The following PDE11A variants were observed in gnomAD, a reference collection of about 807,000 sequenced individuals.
The protein encoded by PDE11A is dual 3',5'-cyclic-AMP and -GMP phosphodiesterase 11A.
Under a neutral mutation model 100.5 loss-of-function variants are expected in PDE11A, and 100 were observed. That is an observed-to-expected ratio of 1.00 (90% CI 0.85 to 1.18). PDE11A has a LOEUF of 1.18. PDE11A is among the 50% of genes most tolerant of loss of function. The probability of loss-of-function intolerance (pLI) is 0.00; values close to 1 mark genes in which losing one functional copy is unlikely to be tolerated. For missense variants in PDE11A, 1,141 were observed against 1,152.6 expected (o/e 0.99, Z 0.15); for synonymous variants, 381 against 420.8 (o/e 0.91, Z 1.16).
At chr2:178,027,089 A>G (rs976335077) in intron 1 of PDE11A, among the ~76,000 whole-genome samples, 2 of 152,180 alleles carry the variant, frequency 1.3e-5, no homozygotes, top group Non-Finnish European at 2.9e-5. Flanking sequence ...TACATTGCTA[A>G]TGAGAATATA....
At chr2:178,034,421 T>C (rs2086584957) in intron 1 of PDE11A, among the ~76,000 whole-genome samples, 1 of 152,156 alleles carries the variant, frequency 6.6e-6, no homozygotes, top group Admixed American at 6.5e-5. Flanking sequence ...TGCACAATAA[T>C]AGTGGGAGAC....
intron 6 of PDE11A, among the ~76,000 whole-genome samples, chr2:177,838,343 C>T (rs1000705799): frequency 7.2e-5 from 11 of 151,778 alleles, no homozygotes; most frequent in Non-Finnish European, 1.6e-4. Context: ...TGTCTGTCTA[C>T]ATAATCATAT....
In PDE11A at chr2:177,980,563, T is replaced by C. The variant is rs114889017; in HGVS notation, c.1071+33739A>G. On this transcript the variant is annotated intron_variant, in intron 2 of 19. Coordinates refer to ENST00000286063, the MANE Select transcript of PDE11A (RefSeq NM_016953.4). ...TAAGTTTTAGCCCAGGTTCAGTGTC[T>C]CTGACATCTACACAATTCAATGCAG... is the stretch of plus-strand genomic sequence containing the variant. Among the ~76,000 whole-genome samples the C allele has an allele frequency of 4.4e-3, 652 of 147,942 alleles. 8 individuals carry two copies. Among genetic ancestry groups the C allele is most frequent in the African/African-American group, 0.016 (629 of 40,546 alleles).
chr2:178,021,923 G>A (rs967065290), intron 1 of PDE11A, among the ~76,000 whole-genome samples: 2 of 152,180 alleles, frequency 1.3e-5, no homozygotes, highest in African/African-American at 4.8e-5. Context: ...TGTGGGAAGT[G>A]TCAGACATGG....
chr2:177,734,385 T>C (rs1331291755), intron 10 of PDE11A, among the ~76,000 whole-genome samples: 24 of 152,158 alleles, frequency 1.6e-4, no homozygotes, highest in Admixed American at 1.4e-3. Context: ...AGAACAGCGA[T>C]GTTATGAAAA....
intron 2 of PDE11A, among the ~76,000 whole-genome samples, chr2:177,906,593 A>G (rs1346798319): frequency 6.6e-6 from 1 of 152,218 alleles, no homozygotes; most frequent in Non-Finnish European, 1.5e-5. Context: ...AATTAAGAAG[A>G]CATACAAAAA....
chr2:177,716,156 T>C (rs2105432396), intron 12 of PDE11A, among the ~76,000 whole-genome samples: 1 of 152,354 alleles, frequency 6.6e-6, no homozygotes, highest in Non-Finnish European at 1.5e-5. Flanking sequence ...TAACTTTGCT[T>C]TAGGTTGTGT....
chr2:177,796,407 G>A (rs1245789419), intron 9 of PDE11A, among the ~76,000 whole-genome samples: 7 of 152,158 alleles, frequency 4.6e-5, no homozygotes, highest in Non-Finnish European at 1.0e-4. Flanking sequence ...GTACCTGCAT[G>A]GGCTTCCCCC....
rs1384041140 is a variant in PDE11A, at chr2:177,623,368, A to G, written c.*6039T>C. ...CTGTCTATAATGTAATATTCTTACA[A>G]TGAAACATCAGTCTGGGAAATCTAC... On this transcript the variant is annotated 3_prime_UTR_variant, in exon 20 of 20. Transcript: ENST00000286063. 1 of 152,272 alleles carries G rather than the reference A, an allele frequency of 6.6e-6. No homozygotes were observed. Among genetic ancestry groups the G allele is most frequent in the Non-Finnish European group, 1.5e-5 (1 of 68,048 alleles). 9.4% of individuals were successfully genotyped at this position (152,272 alleles called of 1,614,324 possible). A position where few individuals can be genotyped will look rare whatever the true frequency, so the allele number is the denominator to read the frequency against.
In PDE11A at chr2:177,905,093, C is replaced by G. The variant is rs191917241; in HGVS notation, c.1161+5G>C. ...GGAGTGTCAACAATGTTTTTATTTA[C>G]TCACTCTGCTTCTTTCATATTCTTT... On this transcript the variant is annotated splice_donor_5th_base_variant and intron_variant, in intron 3 of 19. Coordinates refer to ENST00000286063, the MANE Select transcript of PDE11A (RefSeq NM_016953.4). 3 of 1,511,822 alleles carry G rather than the reference C, an allele frequency of 2.0e-6. No homozygotes were observed. Among genetic ancestry groups the G allele is most frequent in the East Asian group, 4.5e-5 (2 of 44,370 alleles). The allele number at this position is 1,511,822 out of a possible 1,614,324, so 93.7% of individuals were successfully genotyped here.
intron 2 of PDE11A, among the ~76,000 whole-genome samples, chr2:177,915,442 G>A (rs539253850): frequency 5.3e-5 from 8 of 152,194 alleles, no homozygotes; most frequent in East Asian, 3.9e-4. Flanking sequence ...TTGGAACCAC[G>A]CAGTATATAT....
At chr2:178,021,600 T>A (rs1322379724) in intron 1 of PDE11A, among the ~76,000 whole-genome samples, 2 of 152,116 alleles carry the variant, frequency 1.3e-5, no homozygotes, top group Non-Finnish European at 2.9e-5. Context: ...TAATAATAGA[T>A]GAAATTAAAA....
chr2:177,669,427 T>A (rs2080639946), intron 18 of PDE11A, 66 bp downstream of exon 18: 1 of 790,390 alleles, frequency 1.3e-6, no homozygotes, highest in Non-Finnish European at 2.3e-6. Context: ...CAACTTGTAA[T>A]TTGGAGTTCT....
rs76469776 is a variant in PDE11A, at chr2:178,057,402, A to G, written c.912+14124T>C. On this transcript the variant is annotated intron_variant, in intron 1 of 19. Transcript: ENST00000286063. ...GGAAAGCAGAAGTGGTGGTGGTGGC[A>G]GAGCATTTGCTTTCACCAAAGGCTG... Among the ~76,000 whole-genome samples the G allele has an allele frequency of 9.8e-3, 1,493 of 152,268 alleles. 20 individuals are homozygous for G. The highest frequency in any genetic ancestry group is 0.034 in the African/African-American group (1,419 of 41,548).
At chr2:178,078,298 A>T (rs1457490475) in intron 2 of PDE11A, among the ~76,000 whole-genome samples, 2 of 152,078 alleles carry the variant, frequency 1.3e-5, no homozygotes, top group African/African-American at 4.8e-5. Flanking sequence ...GCTTCCACAC[A>T]TTTGGTCATC....
intron 1 of PDE11A, among the ~76,000 whole-genome samples, chr2:178,027,694 T>C (rs2086494798): frequency 6.6e-6 from 1 of 152,198 alleles, no homozygotes; most frequent in South Asian, 2.1e-4. Context: ...CTACCCAGAA[T>C]GCCAAAGGAA....
intron 1 of PDE11A, among the ~76,000 whole-genome samples, chr2:178,052,050 C>T (rs1257012616): frequency 1.3e-5 from 2 of 152,160 alleles, no homozygotes; most frequent in African/African-American, 2.4e-5. Flanking sequence ...CGCAAATCAA[C>T]AGAATATACA....
chr2:177,898,112 A>G lies in PDE11A; in HGVS notation c.1248T>C (p.Thr416=), dbSNP rs1285300491. 3 of 1,612,374 alleles carry G rather than the reference A, an allele frequency of 1.9e-6. No individual in the cohort carries two copies. The highest frequency in any genetic ancestry group is 2.7e-5 in the African/African-American group (2 of 74,892). The change falls in exon 4 of 20, where the codon ACT becomes ACC. Residue 416 remains threonine, a synonymous_variant. Transcript: ENST00000286063. ...IVKKIMHRAQ[T]LLKCERCSVL... Reference sequence around the variant, plus strand: ...CAGAACAGCGTTCACATTTCAGCAGAGTTTGGGCCCGATGCATTATTTTCT... The same window carrying G: ...CAGAACAGCGTTCACATTTCAGCAGGGTTTGGGCCCGATGCATTATTTTCT...
At chr2:177,749,734 T>C (rs2082002256) in intron 10 of PDE11A, among the ~76,000 whole-genome samples, 1 of 152,168 alleles carries the variant, frequency 6.6e-6, no homozygotes, top group South Asian at 2.1e-4. Context: ...ATTATTATTA[T>C]TATTTTCATT....
Sources: gnomAD v4.1 joint callset for allele counts (sites outside exome capture counted in the v4.1 genomes callset) on GRCh38, gnomAD v4.1.1 for gene constraint, MANE v1.5 for transcripts, NCBI Gene and HGNC (gene_info 2026-07-23, HGNC 2026-07-21) for gene names.